NTM: variants seen among roughly 807,000 people sequenced by gnomAD.
NTM encodes IgLON family member 2.
A neutral mutation model predicts 42.1 loss-of-function variants in NTM; 13 were observed. That is an observed-to-expected ratio of 0.31 (90% confidence interval 0.20 to 0.49). The LOEUF is 0.49. Ranked by LOEUF, NTM falls within the 20% of genes least tolerant of loss-of-function variation. The pLI, the probability that NTM is intolerant of heterozygous loss-of-function variation, is 0.99. For missense variants in NTM, 373 were observed against 452.8 expected, an observed-to-expected ratio of 0.82 and a Z score of 1.60; for synonymous variants, 187 against 179.2, an observed-to-expected ratio of 1.04 and a Z score of -0.35.
At chr11:131,645,165 T>C (rs1332311233) in intron 1 of NTM, among the ~76,000 whole-genome samples, 1 of 152,188 alleles carries the variant, frequency 6.6e-6, no homozygotes, top group Non-Finnish European at 1.5e-5. Flanking sequence ...AACCATTTCA[T>C]AGCTGGAAAA....
intron 1 of NTM, among the ~76,000 whole-genome samples, chr11:131,790,502 T>C (rs1565555416): frequency 6.6e-6 from 1 of 152,210 alleles, no homozygotes; most frequent in African/African-American, 2.4e-5. Context: ...ACACATTTCC[T>C]TTTACCCTCA....
Position 131,789,633 on chromosome 11 carries a change from A to AG in NTM, c.83-121930dup, listed in dbSNP as rs1565553016. ...AAGAAGAAGAAGAAGAAGAAGAAGA[A>AG]GAAAAGAAGAAGAAGAAGAAGAAGA... On this transcript the variant is annotated intron_variant, in intron 1 of 8. Transcript: ENST00000683400. Among the ~76,000 whole-genome samples the AG allele has an allele frequency of 1.3e-4, 12 of 89,940 alleles. 1 individual carries two copies. Among genetic ancestry groups the AG allele is most frequent in the Admixed American group, 3.7e-4 (3 of 8,140 alleles). 59.0% of individuals were successfully genotyped at this position (89,940 alleles called of 152,430 possible).
intron 1 of NTM, among the ~76,000 whole-genome samples, chr11:131,826,404 A>T (rs1248554914): frequency 6.6e-6 from 1 of 152,050 alleles, no homozygotes; most frequent in African/African-American, 2.4e-5. Context: ...AAGAAGGTAG[A>T]TGATATGGGA....
At chr11:131,807,473 G>T (rs971483700) in intron 1 of NTM, among the ~76,000 whole-genome samples, 1 of 152,220 alleles carries the variant, frequency 6.6e-6, no homozygotes, top group African/African-American at 2.4e-5. Flanking sequence ...AATTAGCAGT[G>T]TGGGCTCTGG....
chr11:132,121,616 T>C (rs1412087886), intron 2 of NTM, among the ~76,000 whole-genome samples: 1 of 152,184 alleles, frequency 6.6e-6, no homozygotes, highest in Non-Finnish European at 1.5e-5. Context: ...CTCTCTTAAA[T>C]TCTACCTCAG....
chr11:132,157,381 A>G (rs1439468075), intron 3 of NTM, among the ~76,000 whole-genome samples: 2 of 152,236 alleles, frequency 1.3e-5, no homozygotes, highest in Non-Finnish European at 2.9e-5. Flanking sequence ...TGTAAATGCA[A>G]TGAGGCATCA....
chr11:132,310,861 T>C (rs2095259659), intron 6 of NTM, among the ~76,000 whole-genome samples: 1 of 152,202 alleles, frequency 6.6e-6, no homozygotes, highest in Non-Finnish European at 1.5e-5. Flanking sequence ...TCAAATGACA[T>C]ATCAGTGCAG....
intron 1 of NTM, among the ~76,000 whole-genome samples, chr11:131,599,094 T>C (rs1480345787): frequency 6.6e-6 from 1 of 151,948 alleles, no homozygotes; most frequent in Non-Finnish European, 1.5e-5. Flanking sequence ...TTTGTATTTG[T>C]AGTAGAGATG....
At chr11:132,133,256 A>G (rs2137105739) in intron 2 of NTM, among the ~76,000 whole-genome samples, 1 of 152,264 alleles carries the variant, frequency 6.6e-6, no homozygotes, top group East Asian at 1.9e-4. Flanking sequence ...GGGTTCCTCC[A>G]CACACGTCTA....
At chr11:132,242,183 C>G (rs905970700) in intron 4 of NTM, among the ~76,000 whole-genome samples, 1 of 152,172 alleles carries the variant, frequency 6.6e-6, no homozygotes, top group African/African-American at 2.4e-5. Context: ...TGGAGCCTTC[C>G]CCATCCTGGG....
intron 1 of NTM, among the ~76,000 whole-genome samples, chr11:131,834,626 A>ATATATATG (rs2043250554): frequency 1.5e-4 from 2 of 13,210 alleles, no homozygotes; most frequent in Admixed American, 2.0e-3. Flanking sequence ...ATACATATAC[A>ATATATATG]TATATATATA....
chr11:131,932,535 A>G (rs1407702138), intron 2 of NTM, among the ~76,000 whole-genome samples: 2 of 152,178 alleles, frequency 1.3e-5, no homozygotes, highest in East Asian at 3.8e-4. Flanking sequence ...GTTGATCTTC[A>G]TTTATCACCC....
intron 1 of NTM, among the ~76,000 whole-genome samples, chr11:131,764,825 C>A (rs1337540479): frequency 6.6e-6 from 1 of 152,144 alleles, no homozygotes; most frequent in Non-Finnish European, 1.5e-5. Flanking sequence ...GAGCTCCCTT[C>A]TCACAGATGC....
At chr11:132,033,171 C>T (rs2076131729) in intron 2 of NTM, among the ~76,000 whole-genome samples, 1 of 152,188 alleles carries the variant, frequency 6.6e-6, no homozygotes, top group Non-Finnish European at 1.5e-5. Flanking sequence ...GGGCAAGTAG[C>T]ACTGCATGAT....
intron 1 of NTM, among the ~76,000 whole-genome samples, chr11:131,567,998 G>T (rs1367754216): frequency 6.6e-6 from 1 of 152,192 alleles, no homozygotes; most frequent in Non-Finnish European, 1.5e-5. Flanking sequence ...TACTACTAGA[G>T]CATAGCAAAC....
At chr11:132,171,579 T>C (rs1028694733) in intron 3 of NTM, among the ~76,000 whole-genome samples, 9 of 152,196 alleles carry the variant, frequency 5.9e-5, no homozygotes, top group African/African-American at 1.7e-4. Context: ...AAAACCATCA[T>C]CTTAGAGTTT....
intron 2 of NTM, among the ~76,000 whole-genome samples, chr11:132,143,317 A>G (rs2069595168): frequency 6.6e-6 from 1 of 152,224 alleles, no homozygotes; most frequent in African/African-American, 2.4e-5. Context: ...CTACTGAATC[A>G]GAAACCCATG....
intron 2 of NTM, among the ~76,000 whole-genome samples, chr11:131,954,377 C>A (rs932959184): frequency 6.6e-6 from 1 of 152,192 alleles, no homozygotes; most frequent in Admixed American, 6.5e-5. Flanking sequence ...AGTGAGGCTG[C>A]AGGCCAAGCC....
chr11:131,601,533 A>G (rs1226342522), intron 1 of NTM, among the ~76,000 whole-genome samples: 1 of 152,088 alleles, frequency 6.6e-6, no homozygotes, highest in African/African-American at 2.4e-5. Flanking sequence ...TTGTTTCTCT[A>G]GTTGAAGAGG....
Sources: gnomAD v4.1 joint callset for allele counts (sites outside exome capture counted in the v4.1 genomes callset) on GRCh38, gnomAD v4.1.1 for gene constraint, MANE v1.5 for transcripts, NCBI Gene and HGNC (gene_info 2026-07-23, HGNC 2026-07-21) for gene names.